SAMD11: variants seen among roughly 807,000 people sequenced by gnomAD.
SAMD11 encodes sterile alpha motif domain-containing protein 11.
A neutral mutation model predicts 64.4 loss-of-function variants in SAMD11; 77 were observed. That is an observed-to-expected ratio of 1.20 (90% CI 0.99 to 1.44). The LOEUF (loss-of-function observed/expected upper bound fraction) is 1.44, where lower values mean the gene tolerates loss of function less well. SAMD11 is among the 40% of genes most tolerant of loss of function. The probability of loss-of-function intolerance (pLI) is 0.00; values close to 1 mark genes in which losing one functional copy is unlikely to be tolerated. For synonymous variants in SAMD11, 658 were observed against 421.9 expected (o/e 1.56, Z -6.86); for missense variants, 1,402 against 943.3 (o/e 1.49, Z -6.37).
In SAMD11 at chr1:942,737, C is replaced by A. The variant is rs1254235236; in HGVS notation, c.1732C>A (p.Pro578Thr). Residue 578 changes from proline (P) to threonine (T), a missense_variant, in exon 11 of 14, where the codon CCC (proline) becomes ACC (threonine). Physicochemically the swap from Pro to Thr is conservative, Grantham distance 38. Transcript: ENST00000616016. ...ACTGCTGGCCCTGCCCCCCCAGGGG[C>A]CCCCGGGCTCCGGACCCCCCACCCC... The part of the protein sequence containing the change: ...APLLALPPQG[P>T]PGSGPPTPSR... 7.5e-6 allele frequency: 11 copies of A among 1,473,524 alleles called. No homozygotes were observed. The highest frequency in any genetic ancestry group is 2.7e-5 in the South Asian group (2 of 75,024). 91.3% of individuals were successfully genotyped at this position (1,473,524 alleles called of 1,614,324 possible). A position where few individuals can be genotyped will look rare whatever the true frequency, so the allele number is the denominator to read the frequency against.
At position 943,240 on chromosome 1, in the gene SAMD11, C is replaced by T; in HGVS notation, c.2054-13C>T. 1.2e-6 allele frequency: 2 copies of T among 1,612,696 alleles called. No homozygotes were observed. Among genetic ancestry groups the T allele is most frequent in the Non-Finnish European group, 1.7e-6 (2 of 1,179,770 alleles). ...AGCCAGCCAGAGCCCTAGTAACACGCCCCACAACTCAGGCGCGGTAGGGGG... is the reference window on the plus strand; with the variant it reads ...AGCCAGCCAGAGCCCTAGTAACACGTCCCACAACTCAGGCGCGGTAGGGGG... On this transcript the variant is annotated splice_polypyrimidine_tract_variant and intron_variant, in intron 11 of 13. Transcript: ENST00000616016.
rs776438437 is a variant in SAMD11, at chr1:943,955, G to A, written c.2337G>A (p.Val779=). The A allele has an allele frequency of 1.9e-6, 3 of 1,612,748 alleles. No individual in the cohort carries two copies. In the Admixed American group the frequency reaches 5.0e-5, roughly 27 times the overall value. The stretch of plus-strand genomic sequence containing the variant: ...TTTTCTACGTGGCCAGCTTCCCCGT[G>A]GCTCTGCCACTGCAGCCACCAACCC... ...GRVFYVASFP[V]ALPLQPPTLR... Residue 779 remains valine, a synonymous_variant, in exon 14 of 14, where the codon GTG becomes GTA. Coordinates refer to ENST00000616016, the MANE Select transcript of SAMD11 (RefSeq NM_001385641.1).
At chr1:928,837 G>A (rs945635100) in intron 2 of SAMD11, among the ~76,000 whole-genome samples, 4 of 152,260 alleles carry the variant, frequency 2.6e-5, no homozygotes, top group Admixed American at 6.5e-5. Flanking sequence ...AGGGGGCACT[G>A]CCCAAACTAA....
chr1:938,105 C>T (rs1300145537), intron 5 of SAMD11, among the ~76,000 whole-genome samples: 1 of 151,836 alleles, frequency 6.6e-6, no homozygotes, highest in Admixed American at 6.6e-5. Context: ...ACCCCCAGGG[C>T]GTGGAGTCAG....
intron 8 of SAMD11, among the ~76,000 whole-genome samples, chr1:941,689 G>A (rs914192951): frequency 6.6e-6 from 1 of 152,088 alleles, no homozygotes; most frequent in Admixed American, 6.5e-5. Context: ...AAGGCCTCCG[G>A]CACAGACCCG....
chr1:944,495 T>TCAGCAGCCA lies in SAMD11; in HGVS notation c.*345_*353dup. ...TTCAGCAGCCCACAGCTGTGGGGCT[T>TCAGCAGCCA]CAGCAGCCACACCAGCCCAGCCCAG... On this transcript the variant is annotated 3_prime_UTR_variant, in exon 14 of 14. Coordinates refer to ENST00000616016, the MANE Select transcript of SAMD11 (RefSeq NM_001385641.1). The TCAGCAGCCA allele has an allele frequency of 1.5e-6, 1 of 653,402 alleles. No individual in the cohort carries two copies. Among genetic ancestry groups the TCAGCAGCCA allele is most frequent in the Non-Finnish European group, 2.5e-6 (1 of 401,884 alleles). The allele number at this position is 653,402 out of a possible 1,614,324, so 40.5% of individuals were successfully genotyped here.
At chr1:935,193 C>T (rs950347232) in intron 4 of SAMD11, among the ~76,000 whole-genome samples, 31 of 152,210 alleles carry the variant, frequency 2.0e-4, no homozygotes, top group African/African-American at 7.2e-4. Flanking sequence ...CCCCGCCTGC[C>T]GGGGGGACAG....
At chr1:936,713 TCCCCCATCCATGGC>T (rs1211417500) in intron 5 of SAMD11, among the ~76,000 whole-genome samples, 1 of 152,016 alleles carries the variant, frequency 6.6e-6, no homozygotes, top group African/African-American at 2.4e-5. Context: ...CCCATCTGTG[TCCCCCATCCATGGC>T]CCCCATCCGC....
chr1:938,251 C>T (rs921367415), intron 5 of SAMD11, among the ~76,000 whole-genome samples: 2 of 151,084 alleles, frequency 1.3e-5, no homozygotes, highest in African/African-American at 2.4e-5. Flanking sequence ...CCTCTGCCAC[C>T]TGCTGGGCTG....
In SAMD11 at chr1:934,005, G is replaced by T. The variant is rs1480627237; in HGVS notation, c.843-1767G>T. On this transcript the variant is annotated intron_variant, in intron 4 of 13. Transcript: ENST00000616016. ...AGGGGAGGCGGCTGCGTTACAGGTG[G>T]GCAGGGGAGGCGGCTGCGTTACAGG... Among the ~76,000 whole-genome samples the T allele has an allele frequency of 4.3e-5, 6 of 139,586 alleles. 1 individual carries two copies. Among genetic ancestry groups the T allele is most frequent in the East Asian group, 4.2e-4 (2 of 4,772 alleles). 91.6% of individuals were successfully genotyped at this position (139,586 alleles called of 152,430 possible).
rs1318999087 is a variant in SAMD11 at position 944,518 on chromosome 1, C to T, written c.*365C>T. ...CTTCAGCAGCCACACCAGCCCAGCCCAGCCCAGCTCTCGATACGTTTGGTC... is the reference window on the plus strand; with the variant it reads ...CTTCAGCAGCCACACCAGCCCAGCCTAGCCCAGCTCTCGATACGTTTGGTC... On this transcript the variant is annotated 3_prime_UTR_variant, in exon 14 of 14. Transcript: ENST00000616016. The T allele has an allele frequency of 3.2e-6, 2 of 626,176 alleles. No homozygotes were observed. Among genetic ancestry groups the T allele is most frequent in the African/African-American group, 3.7e-5 (2 of 53,366 alleles). 38.8% of individuals were successfully genotyped at this position (626,176 alleles called of 1,614,324 possible).
In SAMD11 at chr1:943,001, C is replaced by T. The variant is rs1332702024; in HGVS notation, c.1996C>T (p.Pro666Ser). Residue 666 changes from proline (P) to serine (S), a missense_variant, in exon 11 of 14, where the codon CCA (proline) becomes TCA (serine). By Grantham distance (74) the Pro-to-Ser change is moderately conservative. Coordinates refer to ENST00000616016, the MANE Select transcript of SAMD11 (RefSeq NM_001385641.1). The stretch of plus-strand genomic sequence containing the variant: ...CGGCGCCGAGGGGAAGGGGCTTTTC[C>T]CAGGGTCCACACTGCCCCTGGGCTT... ...GAGAEGKGLF[P>S]GSTLPLGFPY... 3 of 1,540,272 alleles carry T rather than the reference C, an allele frequency of 1.9e-6. No homozygotes were observed. The highest frequency in any genetic ancestry group is 2.8e-5 in the African/African-American group (2 of 71,848).
chr1:936,054 C>T (rs1196676870), intron 5 of SAMD11, among the ~76,000 whole-genome samples, 158 bp downstream of exon 5: 1 of 152,226 alleles, frequency 6.6e-6, no homozygotes, highest in African/African-American at 2.4e-5. Flanking sequence ...GTGTTAATCC[C>T]AGCCAGCGGG....
At chr1:943,517 G>T (rs923270998) in intron 12 of SAMD11, 140 bp downstream of exon 12, 3 of 910,036 alleles carry the variant, frequency 3.3e-6, no homozygotes, top group African/African-American at 1.8e-5. Context: ...ACTGGACTGT[G>T]CACCCCACCT....
intron 5 of SAMD11, among the ~76,000 whole-genome samples, chr1:937,331 T>C (rs1012277212): frequency 2.0e-4 from 31 of 152,006 alleles, no homozygotes; most frequent in African/African-American, 7.0e-4. Flanking sequence ...CTGGGGTCCA[T>C]GAGTGAGGAG....
chr1:935,721 C>T (rs1037953806), intron 4 of SAMD11, 51 bp from the exon 5 acceptor site: 2 of 1,609,624 alleles, frequency 1.2e-6, no homozygotes, highest in African/African-American at 1.3e-5. Context: ...AGGCTGGGCT[C>T]CAGCCTCGCA....
chr1:925,068 C>G (rs1424487398), intron 1 of SAMD11, 120 bp downstream of exon 1: 2 of 152,218 alleles, frequency 1.3e-5, no homozygotes, highest in South Asian at 2.1e-4. Context: ...CAGGGCTGCG[C>G]GGGGACACCC....
rs911394191 is a variant in SAMD11, at chr1:942,514, C to T, written c.1553+26C>T. ...GTAGGTGCGGGGAGGCGGGCGGGGCCGCGCGGCCCGGGAGGCGGCTGACCC... is the reference window on the plus strand; with the variant it reads ...GTAGGTGCGGGGAGGCGGGCGGGGCTGCGCGGCCCGGGAGGCGGCTGACCC... On this transcript the variant is annotated intron_variant, in intron 10 of 13. Transcript: ENST00000616016. 4.2e-6 allele frequency: 6 copies of T among 1,443,022 alleles called. No individual in the cohort carries two copies. The East Asian group carries it at 9.1e-5, about 22-fold the overall frequency. The allele number at this position is 1,443,022 out of a possible 1,614,324, so 89.4% of individuals were successfully genotyped here.
chr1:940,933 C>T, intron 7 of SAMD11: 1 of 521,466 alleles, frequency 1.9e-6, no homozygotes, highest in Non-Finnish European at 3.4e-6. Flanking sequence ...CGGGGAAGAG[C>T]TTTTCCCGAC....
Sources: gnomAD v4.1 joint callset for allele counts (sites outside exome capture counted in the v4.1 genomes callset) on GRCh38, gnomAD v4.1.1 for gene constraint, MANE v1.5 for transcripts, NCBI Gene and HGNC (gene_info 2026-07-23, HGNC 2026-07-21) for gene names.